IMPACT: variants seen among roughly 807,000 people sequenced by gnomAD.
The protein encoded by IMPACT is impact RWD domain protein.
IMPACT carries 35 observed loss-of-function variants against 47.5 expected under a neutral mutation model. That is an observed-to-expected ratio of 0.74 (90% CI 0.56 to 0.98). The LOEUF (loss-of-function observed/expected upper bound fraction) is 0.98, where lower values mean the gene tolerates loss of function less well. IMPACT is among the 50% of genes least tolerant of loss of function. The pLI is 0.00. For synonymous variants in IMPACT, 118 were observed against 125.6 expected, an observed-to-expected ratio of 0.94 and a Z score of 0.40; for missense variants, 373 against 394.8, an observed-to-expected ratio of 0.94 and a Z score of 0.47.
intron 5 of IMPACT, among the ~76,000 whole-genome samples, chr18:24,439,823 A>G (rs892318305): frequency 8.5e-5 from 13 of 152,104 alleles, no homozygotes; most frequent in African/African-American, 3.1e-4. Flanking sequence ...AACAAAAGTA[A>G]ACAAATATAT....
intron 1 of IMPACT, 58 bp downstream of exon 1, chr18:24,426,850 C>G: frequency 8.5e-7 from 1 of 1,180,628 alleles, no homozygotes; most frequent in Non-Finnish European, 1.1e-6. Flanking sequence ...CCTCGCCATG[C>G]CAGTCCTCCT....
chr18:24,427,956 A>G lies in IMPACT; in HGVS notation c.74A>G (p.Glu25Gly). Residue 25 changes from glutamate (E) to glycine (G), a missense_variant, in exon 2 of 11, where the codon GAG becomes GGG. Physicochemically the swap from Glu to Gly is moderately conservative, Grantham distance 98. Coordinates refer to ENST00000284202, the MANE Select transcript of IMPACT (RefSeq NM_018439.4). ...GAAGCAATGGCAGCCATTTATGGCG[A>G]GGAGTGGTGTGTCATTGATGACTGT... is the stretch of plus-strand genomic sequence containing the variant. ...EIEAMAAIYG[E>G]EWCVIDDCAK... The G allele has an allele frequency of 6.2e-7, 1 of 1,601,954 alleles. No homozygotes were observed. The highest frequency in any genetic ancestry group is 8.5e-7 in the Non-Finnish European group (1 of 1,176,994).
chr18:24,444,697 C>T lies in IMPACT; in HGVS notation c.595-696C>T, dbSNP rs576015262. ...TCTTTTTTGTTCCCACTAAGGTTGC[C>T]AGATAAAATACAGAATACCTAGTTA... On this transcript the variant is annotated intron_variant, in intron 7 of 10. Coordinates refer to ENST00000284202, the MANE Select transcript of IMPACT (RefSeq NM_018439.4). 5.3e-5 allele frequency among the ~76,000 whole-genome samples: 8 copies of T among 152,252 alleles called. No individual in the cohort carries two copies. In the South Asian group the frequency reaches 1.7e-3, roughly 32 times the overall value.
chr18:24,440,951 C>G (rs1443234330), intron 6 of IMPACT, among the ~76,000 whole-genome samples: 2 of 152,182 alleles, frequency 1.3e-5, no homozygotes, highest in Non-Finnish European at 2.9e-5. Context: ...TTAGCTGTTT[C>G]CTGATGTTTC....
intron 4 of IMPACT, among the ~76,000 whole-genome samples, chr18:24,434,977 C>CT (rs532151527): frequency 0.058 from 8,032 of 139,600 alleles, 847 homozygotes; most frequent in African/African-American, 0.2. Context: ...GTTGTACCTA[C>CT]TTTTTTTTTT....
intron 4 of IMPACT, among the ~76,000 whole-genome samples, chr18:24,431,262 G>A (rs1385168161): frequency 1.3e-5 from 2 of 152,134 alleles, no homozygotes; most frequent in African/African-American, 4.8e-5. Context: ...GTTAATTAGG[G>A]GATGATAATT....
rs74557513 is a variant in IMPACT at position 24,430,535 on chromosome 18, G to A, written c.281+151G>A. On this transcript the variant is annotated intron_variant, in intron 4 of 10. Transcript: ENST00000284202. ...GGACTCACTTGAAGAGACCTCGAAA[G>A]GTTAGTTATATAATTTTATATATAC... 1,222 of 479,034 alleles carry A rather than the reference G, an allele frequency of 2.6e-3. 12 individuals carry two copies. The highest frequency in any genetic ancestry group is 0.022 in the African/African-American group (1,115 of 50,506). The allele number at this position is 479,034 out of a possible 1,614,324, so 29.7% of individuals were successfully genotyped here. A position where few individuals can be genotyped will look rare whatever the true frequency, so the allele number is the denominator to read the frequency against.
At chr18:24,433,730 G>A (rs1908828471) in intron 4 of IMPACT, among the ~76,000 whole-genome samples, 1 of 145,988 alleles carries the variant, frequency 6.8e-6, no homozygotes, top group Non-Finnish European at 1.5e-5. Context: ...GAGTGCAGTG[G>A]TGCAATTTCA....
At chr18:24,448,615 A>G (rs543939025) in intron 9 of IMPACT, among the ~76,000 whole-genome samples, 5 of 152,048 alleles carry the variant, frequency 3.3e-5, no homozygotes, top group African/African-American at 4.8e-5. Flanking sequence ...CTGTTGTCCA[A>G]AATTTCTGTT....
intron 9 of IMPACT, among the ~76,000 whole-genome samples, chr18:24,448,406 CAT>C (rs1280038540): frequency 3.3e-5 from 5 of 152,178 alleles, no homozygotes; most frequent in East Asian, 1.9e-4. Flanking sequence ...GCTTTCAAGA[CAT>C]AGACAATAGA....
At chr18:24,443,185 T>G in intron 7 of IMPACT, 33 bp downstream of exon 7, 1 of 997,498 alleles carries the variant, frequency 1.0e-6, no homozygotes, top group Non-Finnish European at 1.5e-6. Flanking sequence ...ACTTTGATGA[T>G]TACTAAAATA....
chr18:24,427,782 C>G, intron 1 of IMPACT, 137 bp from the exon 2 acceptor site: 1 of 740,986 alleles, frequency 1.3e-6, no homozygotes, highest in Non-Finnish European at 2.1e-6. Context: ...TCTTAAGAAA[C>G]TCTTGGCCTG....
At chr18:24,439,925 A>G (rs1441835975) in intron 5 of IMPACT, among the ~76,000 whole-genome samples, 1 of 152,190 alleles carries the variant, frequency 6.6e-6, no homozygotes, top group Non-Finnish European at 1.5e-5. Flanking sequence ...CTTTGAAGCT[A>G]TGCTAATATC....
intron 6 of IMPACT, among the ~76,000 whole-genome samples, chr18:24,442,531 A>T (rs1257310481): frequency 6.6e-6 from 1 of 152,244 alleles, no homozygotes; most frequent in East Asian, 1.9e-4. Context: ...TGGATGTATT[A>T]TTGATGTATT....
At chr18:24,427,510 C>A in intron 1 of IMPACT, 1 of 158,054 alleles carries the variant, frequency 6.3e-6, no homozygotes, top group Non-Finnish European at 1.4e-5. Context: ...AGACACCCAG[C>A]AGGAGTACAC....
chr18:24,441,313 C>T (rs968347594), intron 6 of IMPACT, among the ~76,000 whole-genome samples: 1 of 152,164 alleles, frequency 6.6e-6, no homozygotes, highest in Non-Finnish European at 1.5e-5. Context: ...CTGCCTCAGC[C>T]TCCTACGTAT....
Position 24,428,808 on chromosome 18 carries a change from A to C in IMPACT, c.166-61A>C, listed in dbSNP as rs1232959369. 1.3e-5 allele frequency: 17 copies of C among 1,328,078 alleles called. No individual in the cohort carries two copies. The Admixed American group carries it at 3.5e-4, about 28-fold the overall frequency. 82.3% of individuals were successfully genotyped at this position (1,328,078 alleles called of 1,614,324 possible). ...TTTTTGTCCAGTTGCTAGCTTTATA[A>C]ATATGGTTACTTTTGAACCTTGATG... is the stretch of plus-strand genomic sequence containing the variant. On this transcript the variant is annotated intron_variant, in intron 2 of 10. Coordinates refer to ENST00000284202, the MANE Select transcript of IMPACT (RefSeq NM_018439.4).
chr18:24,440,463 G>A lies in IMPACT; in HGVS notation c.368-33G>A, dbSNP rs200719658. ...TTAAAAAGCATCGTTTCTTACCTGC[G>A]TCATAAAGTAATTGTGTCTCATATT... On this transcript the variant is annotated intron_variant, in intron 5 of 10. Coordinates refer to ENST00000284202, the MANE Select transcript of IMPACT (RefSeq NM_018439.4). 1.8e-3 allele frequency: 2,897 copies of A among 1,600,674 alleles called. 9 individuals carry two copies. The highest frequency in any genetic ancestry group is 2.3e-3 in the Non-Finnish European group (2,655 of 1,174,688).
chr18:24,430,952 G>C (rs1908739867), intron 4 of IMPACT, among the ~76,000 whole-genome samples: 1 of 152,082 alleles, frequency 6.6e-6, no homozygotes, highest in Non-Finnish European at 1.5e-5. Flanking sequence ...TAGGCCATAA[G>C]ACTCAGAATC....
Sources: allele counts gnomAD v4.1 joint callset (sites outside exome capture counted in the v4.1 genomes callset), GRCh38; gene constraint gnomAD v4.1.1; transcripts MANE v1.5; gene names NCBI Gene and HGNC (gene_info 2026-07-23, HGNC 2026-07-21).